The following EGFLAM variants were observed in gnomAD, a reference collection of about 807,000 sequenced individuals.
EGFLAM encodes the protein pikachurin.
EGFLAM carries 79 observed loss-of-function variants against 113.1 expected under a neutral mutation model. The ratio of observed to expected loss-of-function variants is 0.70; its 90% CI spans 0.58 to 0.84. EGFLAM has a LOEUF of 0.84. EGFLAM is among the 40% of genes least tolerant of loss of function. The pLI is 0.00. For missense variants in EGFLAM, 1,265 were observed against 1,291.6 expected, an observed-to-expected ratio of 0.98 and a Z score of 0.32; for synonymous variants, 504 against 487.6, an observed-to-expected ratio of 1.03 and a Z score of -0.44.
intron 19 of EGFLAM, among the ~76,000 whole-genome samples, chr5:38,451,991 CAAAA>C (rs531712895): frequency 2.6e-5 from 1 of 38,716 alleles, no homozygotes. Context: ...GACTCCATCT[CAAAA>C]AAAAAAAAAA....
intron 10 of EGFLAM, among the ~76,000 whole-genome samples, chr5:38,410,780 A>G (rs1193292075): frequency 6.6e-6 from 1 of 152,198 alleles, no homozygotes; most frequent in African/African-American, 2.4e-5. Flanking sequence ...CCTCGCCTGT[A>G]TTGAGGTACA....
intron 17 of EGFLAM, among the ~76,000 whole-genome samples, chr5:38,446,100 C>T (rs1163712900): frequency 6.6e-6 from 1 of 152,152 alleles, no homozygotes; most frequent in Non-Finnish European, 1.5e-5. Flanking sequence ...CGTTTAGCTC[C>T]GGGAAGGCCT....
chr5:38,298,583 A>G (rs1390554974), intron 1 of EGFLAM, among the ~76,000 whole-genome samples: 1 of 152,248 alleles, frequency 6.6e-6, no homozygotes, highest in Non-Finnish European at 1.5e-5. Flanking sequence ...CAATAAAGGT[A>G]AACCTCCCAC....
chr5:38,391,766 G>T (rs1287898586), intron 6 of EGFLAM, among the ~76,000 whole-genome samples: 1 of 151,834 alleles, frequency 6.6e-6, no homozygotes, highest in Non-Finnish European at 1.5e-5. Context: ...AGTCCTCATT[G>T]TCCTTCACAA....
At chr5:38,370,501 CAT>C (rs1237133081) in intron 6 of EGFLAM, 39 bp downstream of exon 6, 2 of 1,594,156 alleles carry the variant, frequency 1.3e-6, no homozygotes, top group African/African-American at 2.7e-5. Context: ...AAGGGAGCTG[CAT>C]ATCTGGGCTT....
intron 5 of EGFLAM, 32 bp downstream of exon 5, chr5:38,352,363 T>C (rs917511332): frequency 3.1e-6 from 5 of 1,611,520 alleles, no homozygotes; most frequent in Non-Finnish European, 4.2e-6. Context: ...AAAAGCCAAA[T>C]GTGTGCTGGG....
At chr5:38,384,514 T>A (rs2112070618) in intron 6 of EGFLAM, among the ~76,000 whole-genome samples, 1 of 152,298 alleles carries the variant, frequency 6.6e-6, no homozygotes, top group East Asian at 1.9e-4. Flanking sequence ...TATTTCCTTA[T>A]ATAAGCCAGA....
chr5:38,424,977 C>T lies in EGFLAM; in HGVS notation c.1695C>T (p.Ser565=). 1 of 1,613,806 alleles carries T rather than the reference C, an allele frequency of 6.2e-7. No homozygotes were observed. The highest frequency in any genetic ancestry group is 8.5e-7 in the Non-Finnish European group (1 of 1,179,834). Residue 565 remains serine, a synonymous_variant, in exon 13 of 22, where the codon AGC becomes AGT. Coordinates refer to ENST00000322350, the MANE Select transcript of EGFLAM (RefSeq NM_152403.4). The stretch of plus-strand genomic sequence containing the variant: ...CCATTCTGTATTTAGGGGAATGCAG[C>T]AGTGGAATCTGTGATGAGGCCTCGT... The part of the protein sequence containing the change: ...ALSGADVGEC[S]SGICDEASCI...
At chr5:38,330,684 T>C (rs568750455) in intron 1 of EGFLAM, among the ~76,000 whole-genome samples, 169 of 152,328 alleles carry the variant, frequency 1.1e-3, no homozygotes, top group African/African-American at 4.0e-3. Context: ...CCTTGATCAC[T>C]TGCAATTTTT....
At chr5:38,414,345 G>A (rs1741576105) in intron 11 of EGFLAM, among the ~76,000 whole-genome samples, 1 of 152,138 alleles carries the variant, frequency 6.6e-6, no homozygotes, top group Non-Finnish European at 1.5e-5. Flanking sequence ...TCTAGCTTGG[G>A]TCCAAAATAC....
chr5:38,422,963 T>G (rs1313601396), intron 12 of EGFLAM, among the ~76,000 whole-genome samples: 2 of 152,194 alleles, frequency 1.3e-5, no homozygotes, highest in Non-Finnish European at 2.9e-5. Context: ...CCATGCCTTG[T>G]GTGACCTTGT....
intron 11 of EGFLAM, among the ~76,000 whole-genome samples, chr5:38,416,311 G>T (rs924132060): frequency 1.3e-5 from 2 of 152,214 alleles, no homozygotes; most frequent in Non-Finnish European, 2.9e-5. Context: ...CTAAGAGAGA[G>T]GAGACGGACA....
At chr5:38,446,316 CT>C (rs1286378433) in intron 17 of EGFLAM, among the ~76,000 whole-genome samples, 2 of 152,094 alleles carry the variant, frequency 1.3e-5, no homozygotes, top group Non-Finnish European at 2.9e-5. Context: ...GCGCCGCCTT[CT>C]TTCCTTTTCT....
At chr5:38,363,850 A>G (rs897780939) in intron 5 of EGFLAM, among the ~76,000 whole-genome samples, 13 of 152,328 alleles carry the variant, frequency 8.5e-5, no homozygotes, top group African/African-American at 2.9e-4. Flanking sequence ...TCACAGGATC[A>G]GATAGTAAAT....
At chr5:38,268,517 T>C (rs1757687532) in intron 1 of EGFLAM, among the ~76,000 whole-genome samples, 1 of 152,154 alleles carries the variant, frequency 6.6e-6, no homozygotes, top group Admixed American at 6.5e-5. Flanking sequence ...AATAACTAGA[T>C]GTGGTAGATT....
At chr5:38,393,485 C>T (rs1740869291) in intron 6 of EGFLAM, among the ~76,000 whole-genome samples, 1 of 152,178 alleles carries the variant, frequency 6.6e-6, no homozygotes, top group Admixed American at 6.5e-5. Flanking sequence ...AGAGTGCAGG[C>T]ACCAGAAGTT....
At chr5:38,284,985 C>A (rs1343073248) in intron 1 of EGFLAM, among the ~76,000 whole-genome samples, 1 of 152,120 alleles carries the variant, frequency 6.6e-6, no homozygotes, top group Non-Finnish European at 1.5e-5. Flanking sequence ...AAAGAAAAAA[C>A]AAGACTCAAT....
intron 17 of EGFLAM, among the ~76,000 whole-genome samples, chr5:38,444,469 C>T (rs1742644164): frequency 6.6e-6 from 1 of 152,048 alleles, no homozygotes; most frequent in Non-Finnish European, 1.5e-5. Flanking sequence ...TTTGACTGTT[C>T]CCAGCACAAA....
chr5:38,411,022 T>C (rs865960008), intron 10 of EGFLAM, among the ~76,000 whole-genome samples: 1 of 152,252 alleles, frequency 6.6e-6, no homozygotes, highest in Non-Finnish European at 1.5e-5. Flanking sequence ...TCATTTTCTT[T>C]TCTTTTTCTC....
Sources: allele counts gnomAD v4.1 joint callset (sites outside exome capture counted in the v4.1 genomes callset), GRCh38; gene constraint gnomAD v4.1.1; transcripts MANE v1.5; gene names NCBI Gene and HGNC (gene_info 2026-07-23, HGNC 2026-07-21).